NCAM2: variants seen among roughly 807,000 people sequenced by gnomAD.
The protein encoded by NCAM2 is neural cell adhesion molecule 2, also known as N-CAM-2.
In NCAM2, 30 loss-of-function variants were observed where a neutral mutation model predicts 98.1. The ratio of observed to expected loss-of-function variants is 0.31; its 90% CI spans 0.23 to 0.41. NCAM2 has a LOEUF of 0.41. Ranked by LOEUF, NCAM2 falls within the 10% of genes least tolerant of loss-of-function variation. The pLI, the probability that NCAM2 is intolerant of heterozygous loss-of-function variation, is 1.00. For synonymous variants in NCAM2, 368 were observed against 342.4 expected, an observed-to-expected ratio of 1.07 and a Z score of -0.83; for missense variants, 867 against 1,005.8, an observed-to-expected ratio of 0.86 and a Z score of 1.87.
At chr21:21,537,203 T>C (rs1990027476) in intron 17 of NCAM2, among the ~76,000 whole-genome samples, 1 of 151,920 alleles carries the variant, frequency 6.6e-6, no homozygotes, top group Non-Finnish European at 1.5e-5. Flanking sequence ...GTTCAAGTGA[T>C]TTCCGTCTAA....
intron 11 of NCAM2, among the ~76,000 whole-genome samples, chr21:21,421,208 G>T (rs563998884): frequency 6.6e-6 from 1 of 151,918 alleles, no homozygotes; most frequent in South Asian, 2.1e-4. Context: ...GAACTTCACA[G>T]GTAGTATTTA....
chr21:21,232,328 A>T (rs2070663761), intron 1 of NCAM2, among the ~76,000 whole-genome samples: 1 of 151,722 alleles, frequency 6.6e-6, no homozygotes, highest in African/African-American at 2.4e-5. Context: ...TAAAAAACAG[A>T]TTACTGACTT....
intron 1 of NCAM2, among the ~76,000 whole-genome samples, chr21:21,109,681 C>T (rs925473635): frequency 2.0e-5 from 3 of 152,064 alleles, no homozygotes; most frequent in Admixed American, 6.6e-5. Context: ...GTCAATCATG[C>T]TTTCTTGTAA....
intron 11 of NCAM2, among the ~76,000 whole-genome samples, chr21:21,427,606 T>C (rs1436871706): frequency 1.3e-5 from 2 of 152,100 alleles, no homozygotes; most frequent in East Asian, 3.9e-4. Context: ...TGGGAAGATG[T>C]TGGACAAAGA....
intron 12 of NCAM2, 22 bp downstream of exon 12, chr21:21,432,303 G>A: frequency 1.2e-6 from 2 of 1,607,998 alleles, no homozygotes; most frequent in East Asian, 2.2e-5. Context: ...ATTTCAAAAT[G>A]TGTTGGTTAA....
intron 8 of NCAM2, among the ~76,000 whole-genome samples, chr21:21,352,398 A>G: frequency 6.6e-6 from 1 of 152,084 alleles, no homozygotes; most frequent in East Asian, 1.9e-4. Flanking sequence ...CTGGGATTAC[A>G]GACATGAGCC....
chr21:21,014,767 C>G (rs141170193), intron 1 of NCAM2, among the ~76,000 whole-genome samples: 1,844 of 152,272 alleles, frequency 0.012, 24 homozygotes, highest in Non-Finnish European at 0.018. Context: ...CTATAGCTGC[C>G]ATCGGTAATG....
At chr21:21,194,198 C>A (rs137904648) in intron 1 of NCAM2, among the ~76,000 whole-genome samples, 58 of 152,116 alleles carry the variant, frequency 3.8e-4, no homozygotes, top group African/African-American at 1.3e-3. Flanking sequence ...TCCAATTTCT[C>A]TATTATTAAA....
At chr21:21,295,208 C>G (rs74663310) in intron 5 of NCAM2, among the ~76,000 whole-genome samples, 1 of 151,764 alleles carries the variant, frequency 6.6e-6, no homozygotes, top group Non-Finnish European at 1.5e-5. Context: ...TTTGTTCTTG[C>G]AAAACTTTTC....
In NCAM2 at chr21:21,538,369, C is replaced by T. The variant is rs1408062181; in HGVS notation, c.*412C>T. 6.5e-6 allele frequency: 1 copy of T among 152,792 alleles called. No individual in the cohort carries two copies. The highest frequency in any genetic ancestry group is 2.4e-5 in the African/African-American group (1 of 41,440). 9.5% of individuals were successfully genotyped at this position (152,792 alleles called of 1,614,324 possible). A position where few individuals can be genotyped will look rare whatever the true frequency, so the allele number is the denominator to read the frequency against. ...GCCCTGCATGTGTATGAGTCCTATT[C>T]TGGGCAAATAGATTCTTAAAGTGGC... On this transcript the variant is annotated 3_prime_UTR_variant, in exon 18 of 18. Coordinates refer to ENST00000400546, the MANE Select transcript of NCAM2 (RefSeq NM_004540.5).
chr21:21,327,448 C>T (rs1568937855), intron 6 of NCAM2, among the ~76,000 whole-genome samples: 1 of 151,862 alleles, frequency 6.6e-6, no homozygotes, highest in Non-Finnish European at 1.5e-5. Context: ...CCTCCTCTTT[C>T]AGAAACAGCA....
At chr21:21,111,305 A>G (rs995369480) in intron 1 of NCAM2, among the ~76,000 whole-genome samples, 3 of 152,148 alleles carry the variant, frequency 2.0e-5, no homozygotes, top group African/African-American at 7.2e-5. Flanking sequence ...TTCAGAAGGG[A>G]TGAGTACTAG....
At chr21:21,047,035 AAACAGCTTATTT>A (rs1220929071) in intron 1 of NCAM2, among the ~76,000 whole-genome samples, 1 of 79,490 alleles carries the variant, frequency 1.3e-5, no homozygotes, top group African/African-American at 5.0e-5. Flanking sequence ...CTGCTTTATG[AAACAGCTTATTT>A]TCCTTTTTTT....
intron 14 of NCAM2, among the ~76,000 whole-genome samples, chr21:21,469,953 G>A (rs999573444): frequency 6.6e-6 from 1 of 151,926 alleles, no homozygotes; most frequent in African/African-American, 2.4e-5. Context: ...TCATGAATTG[G>A]ACTGTTAGAA....
intron 1 of NCAM2, among the ~76,000 whole-genome samples, chr21:21,212,730 C>A (rs2069706366): frequency 6.9e-6 from 1 of 145,754 alleles, no homozygotes; most frequent in Admixed American, 7.0e-5. Flanking sequence ...TGTAAATCTG[C>A]AATTATCTGT....
intron 5 of NCAM2, among the ~76,000 whole-genome samples, chr21:21,307,490 T>A (rs2073920170): frequency 6.6e-6 from 1 of 152,146 alleles, no homozygotes; most frequent in Non-Finnish European, 1.5e-5. Flanking sequence ...AGGTCAGAAG[T>A]CCACATAGGC....
chr21:21,214,784 C>T lies in NCAM2; in HGVS notation c.56-65794C>T, dbSNP rs540501720. 2.8e-4 allele frequency among the ~76,000 whole-genome samples: 36 copies of T among 128,762 alleles called. 1 individual carries two copies. The highest frequency in any genetic ancestry group is 9.4e-4 in the African/African-American group (33 of 35,064). The allele number at this position is 128,762 out of a possible 152,430, so 84.5% of individuals were successfully genotyped here. On this transcript the variant is annotated intron_variant, in intron 1 of 17. Coordinates refer to ENST00000400546, the MANE Select transcript of NCAM2 (RefSeq NM_004540.5). ...CACATATATGTAATATATATATACA[C>T]ATATATATACATATAGGTATATATG...
At chr21:21,467,701 A>G (rs1983901549) in intron 13 of NCAM2, among the ~76,000 whole-genome samples, 2 of 151,634 alleles carry the variant, frequency 1.3e-5, no homozygotes, top group African/African-American at 2.4e-5. Flanking sequence ...ATAAAAAAAG[A>G]ATCAGCTGGG....
intron 6 of NCAM2, among the ~76,000 whole-genome samples, chr21:21,327,092 G>A (rs936549079): frequency 6.6e-6 from 1 of 152,074 alleles, no homozygotes; most frequent in Non-Finnish European, 1.5e-5. Context: ...TCTTGACTTC[G>A]TGAACCGCCT....
Sources: gnomAD v4.1 joint callset for allele counts (sites outside exome capture counted in the v4.1 genomes callset) on GRCh38, gnomAD v4.1.1 for gene constraint, MANE v1.5 for transcripts, NCBI Gene and HGNC (gene_info 2026-07-23, HGNC 2026-07-21) for gene names.